Variants in TG observed in about 807,000 individuals in gnomAD.
The protein encoded by TG is thyroglobulin.
Under a neutral mutation model 324.7 loss-of-function variants are expected in TG, and 270 were observed. The ratio of observed to expected loss-of-function variants is 0.83; its 90% confidence interval spans 0.75 to 0.92. TG has a LOEUF of 0.92. TG is among the 40% of genes least tolerant of loss of function. TG has a pLI of 0.00. For missense variants in TG, 3,591 were observed against 3,456.4 expected, an observed-to-expected ratio of 1.04 and a Z score of -0.98; for synonymous variants, 1,401 against 1,327.0, an observed-to-expected ratio of 1.06 and a Z score of -1.21.
chr8:132,899,572 CTTA>C (rs986219162), intron 14 of TG, among the ~76,000 whole-genome samples: 8 of 152,242 alleles, frequency 5.3e-5, no homozygotes, highest in Middle Eastern at 3.4e-3. Context: ...CAAAAGTTTC[CTTA>C]TTATTGTTTG....
At chr8:133,054,079 C>T (rs1046641944) in intron 41 of TG, among the ~76,000 whole-genome samples, 1 of 152,144 alleles carries the variant, frequency 6.6e-6, no homozygotes, top group African/African-American at 2.4e-5. Context: ...TCAAAGTCTT[C>T]CCTGAGCTTT....
Position 132,929,132 on chromosome 8 carries a change from C to A in TG, c.4756C>A (p.Pro1586Thr), listed in dbSNP as rs1340388622. 6.2e-7 allele frequency: 1 copy of A among 1,614,004 alleles called. No individual in the cohort carries two copies. The highest frequency in any genetic ancestry group is 1.3e-5 in the African/African-American group (1 of 74,906). ...ESKVIFDANA[P>T]VAVRSKVPDS... ...AAAGGTGATCTTCGACGCCAATGCT[C>A]CTGTGGCTGTCAGATCCAAAGTTCC... The change falls in exon 23 of 48, where the codon CCT (proline) becomes ACT (threonine). Residue 1586 changes from proline (P) to threonine (T), a missense_variant. Coordinates refer to ENST00000220616, the MANE Select transcript of TG (RefSeq NM_003235.5).
chr8:132,964,848 A>T, intron 29 of TG: 1 of 699,324 alleles, frequency 1.4e-6, no homozygotes, highest in Non-Finnish European at 2.6e-6. Flanking sequence ...TTGCAGTGAG[A>T]ATGCAGGAGA....
intron 41 of TG, chr8:133,060,293 T>C: frequency 6.3e-7 from 1 of 1,578,206 alleles, no homozygotes; most frequent in Non-Finnish European, 8.6e-7. Context: ...TGCATCATTT[T>C]TCTGGCAGCT....
In TG at chr8:132,966,657, C is replaced by A. The variant is rs763899990; in HGVS notation, c.5646C>A (p.His1882Gln). The A allele has an allele frequency of 1.2e-6, 2 of 1,613,992 alleles. No individual in the cohort carries two copies. Among genetic ancestry groups the A allele is most frequent in the African/African-American group, 2.7e-5 (2 of 74,916 alleles). Residue 1882 changes from histidine (H) to glutamine (Q), a missense_variant, in exon 30 of 48, where the codon CAC (histidine) becomes CAA (glutamine). By Grantham distance (24) the His-to-Gln change is conservative. Transcript: ENST00000220616. ...LSSQKHWLFK[H>Q]LFSAQQANLW... ...GCCAGAAGCACTGGCTTTTCAAGCA[C>A]CTGTTTTCAGCCCAGCAGGCAAACC...
intron 41 of TG, among the ~76,000 whole-genome samples, chr8:133,089,034 G>A (rs377285924): frequency 1.4e-3 from 211 of 152,304 alleles, no homozygotes; most frequent in Middle Eastern, 3.4e-3. Flanking sequence ...GCTGGCCCAC[G>A]ACACCTTGGT....
At chr8:132,921,045 C>A (rs864091) in intron 21 of TG, among the ~76,000 whole-genome samples, 62,380 of 152,088 alleles carry the variant, frequency 0.41, 15,602 homozygotes, top group Admixed American at 0.53. Context: ...TGCTTAGTAC[C>A]TACACAGAGA....
chr8:133,088,972 C>G (rs1847057255), intron 41 of TG, among the ~76,000 whole-genome samples: 1 of 152,202 alleles, frequency 6.6e-6, no homozygotes, highest in Non-Finnish European at 1.5e-5. Context: ...CTTTAGCTTC[C>G]AGAGCTCTCT....
Position 132,882,803 on chromosome 8 carries a change from A to G in TG, c.890-11A>G. On this transcript the variant is annotated splice_polypyrimidine_tract_variant and intron_variant, in intron 7 of 47. Transcript: ENST00000220616. Reference sequence around the variant, plus strand: ...TGACACTGTCTTCTTTACTGTGTGGATTTCCTCTAGGCCCCACAAAATGTG... The same window carrying G: ...TGACACTGTCTTCTTTACTGTGTGGGTTTCCTCTAGGCCCCACAAAATGTG... The G allele has an allele frequency of 6.2e-7, 1 of 1,614,164 alleles. No individual in the cohort carries two copies. The highest frequency in any genetic ancestry group is 8.5e-7 in the Non-Finnish European group (1 of 1,180,016).
chr8:133,039,919 G>T, intron 41 of TG: 1 of 1,510,118 alleles, frequency 6.6e-7, no homozygotes, highest in Non-Finnish European at 8.9e-7. Context: ...CACACACACC[G>T]TTTTGTGCTC....
chr8:132,878,596 G>A (rs573886614), intron 5 of TG, among the ~76,000 whole-genome samples: 134 of 148,410 alleles, frequency 9.0e-4, no homozygotes, highest in Non-Finnish European at 1.6e-3. Flanking sequence ...GTGACAGAGC[G>A]AGACTCTGTC....
Position 132,906,756 on chromosome 8 carries a change from T to G in TG, c.3703T>G (p.Ser1235Ala), listed in dbSNP as rs779970659. 1 of 1,614,186 alleles carries G rather than the reference T, an allele frequency of 6.2e-7. No homozygotes were observed. Among genetic ancestry groups the G allele is most frequent in the Admixed American group, 1.7e-5 (1 of 60,028 alleles). Residue 1235 changes from serine to alanine, a missense_variant, in exon 17 of 48, where the codon TCG becomes GCG. Coordinates refer to ENST00000220616, the MANE Select transcript of TG (RefSeq NM_003235.5). ...VGGTILCETI[S>A]GPTGSAMQQC... Reference sequence around the variant, plus strand: ...TGGAACAATCCTGTGTGAGACAATCTCGGGCCCCACAGGCTCTGCCATGCA... The same window carrying G: ...TGGAACAATCCTGTGTGAGACAATCGCGGGCCCCACAGGCTCTGCCATGCA...
At chr8:132,928,260 A>G (rs1032599943) in intron 22 of TG, among the ~76,000 whole-genome samples, 11 of 152,214 alleles carry the variant, frequency 7.2e-5, no homozygotes, top group African/African-American at 2.7e-4. Flanking sequence ...GTGCTTGTAT[A>G]TATGTTTATA....
intron 20 of TG, among the ~76,000 whole-genome samples, chr8:132,918,148 G>A (rs1820633772): frequency 6.6e-6 from 1 of 152,130 alleles, no homozygotes; most frequent in Non-Finnish European, 1.5e-5. Flanking sequence ...CAGAGACGGA[G>A]AGAACCGGTG....
chr8:132,933,508 C>G, intron 23 of TG, 53 bp from the exon 24 acceptor site: 5 of 1,506,340 alleles, frequency 3.3e-6, no homozygotes, highest in Non-Finnish European at 4.6e-6. Flanking sequence ...TCTGCTCTGC[C>G]CTCAGCATCC....
At chr8:132,920,697 G>A (rs1038837192) in intron 21 of TG, among the ~76,000 whole-genome samples, 2 of 152,212 alleles carry the variant, frequency 1.3e-5, no homozygotes, top group African/African-American at 4.8e-5. Flanking sequence ...TGACAGAAAT[G>A]GCAGGAATAG....
chr8:133,009,380 C>G (rs6981042), intron 35 of TG, among the ~76,000 whole-genome samples: 79,503 of 151,886 alleles, frequency 0.52, 22,244 homozygotes, highest in African/African-American at 0.71. Context: ...CAGGTCCCAA[C>G]TTCAGGAAGA....
rs543953219 is a variant in TG, at chr8:133,116,523, C to T, written c.7755-86C>T. 1.4e-4 allele frequency: 176 copies of T among 1,290,726 alleles called. 1 individual carries two copies. The Middle Eastern group carries it at 1.8e-3, about 13-fold the overall frequency. The allele number at this position is 1,290,726 out of a possible 1,614,324, so 80.0% of individuals were successfully genotyped here. On this transcript the variant is annotated intron_variant, in intron 44 of 47. Transcript: ENST00000220616. The stretch of plus-strand genomic sequence containing the variant: ...AGGGGTGGGTTGGGGGCCCAGGGGG[C>T]CCCTTGCTGGGAGAAGCCCTTTCCA...
intron 22 of TG, among the ~76,000 whole-genome samples, chr8:132,923,997 A>C (rs1821467945): frequency 6.6e-6 from 1 of 152,286 alleles, no homozygotes; most frequent in East Asian, 1.9e-4. Context: ...TGATTCAAAC[A>C]CATTGCATCT....
Sources: allele counts gnomAD v4.1 joint callset (sites outside exome capture counted in the v4.1 genomes callset), GRCh38; gene constraint gnomAD v4.1.1; transcripts MANE v1.5; gene names NCBI Gene and HGNC (gene_info 2026-07-23, HGNC 2026-07-21).